EYA1: variants seen among roughly 807,000 people sequenced by gnomAD.
EYA1 encodes the protein protein phosphatase EYA1.
In EYA1, 16 loss-of-function variants were observed where a neutral mutation model predicts 82.0. The observed-to-expected ratio is 0.20, with a 90% CI of 0.13 to 0.30. The LOEUF (loss-of-function observed/expected upper bound fraction) is 0.30, where lower values mean the gene tolerates loss of function less well. Ranked by LOEUF, EYA1 falls within the 10% of genes least tolerant of loss-of-function variation. The pLI is 1.00. For synonymous variants in EYA1, 261 were observed against 264.4 expected (o/e 0.99, Z 0.12); for missense variants, 633 against 730.7 (o/e 0.87, Z 1.54).
chr8:71,405,591 G>A (rs1270405116), intron 2 of EYA1, among the ~76,000 whole-genome samples: 1 of 152,094 alleles, frequency 6.6e-6, no homozygotes. Flanking sequence ...TACACAAAAG[G>A]TACAAAATTA....
chr8:71,443,478 G>A (rs549733101), intron 2 of EYA1, among the ~76,000 whole-genome samples: 1 of 152,206 alleles, frequency 6.6e-6, no homozygotes, highest in East Asian at 1.9e-4. Flanking sequence ...ACAGGGTTTC[G>A]CTATGTTGGC....
Position 71,368,316 on chromosome 8 carries a change from A to G in EYA1, c.34-11805T>C, listed in dbSNP as rs564830804. Among the ~76,000 whole-genome samples, 130 of 152,112 alleles carry G rather than the reference A, an allele frequency of 8.5e-4. 1 individual carries two copies. The highest frequency in any genetic ancestry group is 2.8e-3 in the African/African-American group (117 of 41,496). On this transcript the variant is annotated intron_variant, in intron 2 of 18. Transcript: ENST00000643681. ...CCGTAGAGGAGCCCTCTGCTGCACGATTATCATTGACAACCCCTGCTGAAA... is the reference window on the plus strand; with the variant it reads ...CCGTAGAGGAGCCCTCTGCTGCACGGTTATCATTGACAACCCCTGCTGAAA...
chr8:71,220,369 A>G (rs1809741688), intron 12 of EYA1, among the ~76,000 whole-genome samples: 1 of 152,182 alleles, frequency 6.6e-6, no homozygotes, highest in Non-Finnish European at 1.5e-5. Context: ...AGCATATTTT[A>G]TGCGCTAATC....
intron 2 of EYA1, among the ~76,000 whole-genome samples, chr8:71,436,189 T>C (rs1646243398): frequency 6.6e-6 from 1 of 152,098 alleles, no homozygotes; most frequent in Non-Finnish European, 1.5e-5. Flanking sequence ...AAAAGTCACC[T>C]ATAAACTATA....
At chr8:71,349,713 A>G (rs1267144115) in intron 3 of EYA1, among the ~76,000 whole-genome samples, 4 of 152,240 alleles carry the variant, frequency 2.6e-5, no homozygotes, top group African/African-American at 9.6e-5. Flanking sequence ...ATGAGAAAAC[A>G]GCCACCCAGA....
At chr8:71,535,687 C>A in intron 2 of EYA1, 1 of 1,244,608 alleles carries the variant, frequency 8.0e-7, no homozygotes, top group Non-Finnish European at 1.1e-6. Flanking sequence ...ATAAAAATGC[C>A]ATGATGATTT....
At chr8:71,407,424 C>T (rs1425140666) in intron 2 of EYA1, among the ~76,000 whole-genome samples, 2 of 148,552 alleles carry the variant, frequency 1.3e-5, no homozygotes, top group African/African-American at 5.0e-5. Flanking sequence ...TCAAATTACT[C>T]TGAGCTACGG....
intron 2 of EYA1, among the ~76,000 whole-genome samples, chr8:71,375,030 A>G (rs186707243): frequency 2.7e-4 from 41 of 152,290 alleles, no homozygotes; most frequent in African/African-American, 9.6e-4. Flanking sequence ...AGTGTAGGTG[A>G]AAGCTTGTAA....
At chr8:71,201,042 G>A (rs1806934014) in intron 17 of EYA1, among the ~76,000 whole-genome samples, 1 of 145,940 alleles carries the variant, frequency 6.9e-6, no homozygotes, top group Non-Finnish European at 1.5e-5. Flanking sequence ...GAAAAGACTT[G>A]GCTGGTGACA....
At chr8:71,525,206 T>A (rs1174402406) in intron 2 of EYA1, among the ~76,000 whole-genome samples, 2 of 152,132 alleles carry the variant, frequency 1.3e-5, no homozygotes, top group Non-Finnish European at 2.9e-5. Flanking sequence ...CCACTCTCCC[T>A]CCTCTACCCT....
At chr8:71,297,175 G>C (rs1354027881) in intron 9 of EYA1, among the ~76,000 whole-genome samples, 1 of 152,008 alleles carries the variant, frequency 6.6e-6, no homozygotes, top group African/African-American at 2.4e-5. Context: ...TACAATACAA[G>C]CTAAAATACA....
At chr8:71,353,905 A>C (rs992514987) in intron 3 of EYA1, among the ~76,000 whole-genome samples, 108 of 152,200 alleles carry the variant, frequency 7.1e-4, no homozygotes, top group African/African-American at 2.6e-3. Context: ...AAGGCTTAGT[A>C]ACGAATAAAT....
chr8:71,477,971 C>G (rs1809802599), intron 2 of EYA1, among the ~76,000 whole-genome samples: 1 of 151,988 alleles, frequency 6.6e-6, no homozygotes, highest in Non-Finnish European at 1.5e-5. Flanking sequence ...GTCAAAGAAG[C>G]CAGACACAAA....
At chr8:71,471,221 A>G (rs903845194) in intron 2 of EYA1, among the ~76,000 whole-genome samples, 17 of 152,070 alleles carry the variant, frequency 1.1e-4, no homozygotes, top group African/African-American at 4.1e-4. Flanking sequence ...CAGATCATCT[A>G]GATAATATGA....
chr8:71,199,478 CT>C, intron 17 of EYA1, 58 bp from the exon 18 acceptor site: 3 of 1,280,114 alleles, frequency 2.3e-6, no homozygotes, highest in Non-Finnish European at 2.2e-6. Context: ...GCCCTGCCAG[CT>C]TTTTTGGAAA....
intron 2 of EYA1, among the ~76,000 whole-genome samples, chr8:71,484,325 A>G (rs138202692): frequency 1.4e-3 from 209 of 152,352 alleles, no homozygotes; most frequent in African/African-American, 4.7e-3. Context: ...TGAAATGTGT[A>G]CCATTACAGA....
At chr8:71,473,951 AG>A (rs1261746582) in intron 2 of EYA1, among the ~76,000 whole-genome samples, 2 of 152,182 alleles carry the variant, frequency 1.3e-5, no homozygotes, top group Non-Finnish European at 2.9e-5. Flanking sequence ...AAACAGGAAC[AG>A]AAAACAAAAC....
rs1057234407 is a variant in EYA1 at position 71,210,204 on chromosome 8, C to T, written c.1698+952G>A. ...CAAGAATCCAAGCTATTTATCACTA[C>T]AGCTCCTTCAGTTAAAATATAAGGG... On this transcript the variant is annotated intron_variant, in intron 17 of 17. Transcript: ENST00000340726. Among the ~76,000 whole-genome samples the T allele has an allele frequency of 3.3e-5, 5 of 152,188 alleles. No individual in the cohort carries two copies. The East Asian group carries it at 9.6e-4, about 29-fold the overall frequency.
At position 71,310,399 on chromosome 8, in the gene EYA1, CCT is replaced by C. The variant is rs550335987; in HGVS notation, c.556+7151_556+7152del. Among the ~76,000 whole-genome samples the C allele has an allele frequency of 5.9e-5, 9 of 152,268 alleles. No individual in the cohort carries two copies. The South Asian group carries it at 1.9e-3, about 32-fold the overall frequency. On this transcript the variant is annotated intron_variant, in intron 7 of 17. Coordinates refer to ENST00000340726, the MANE Select transcript of EYA1 (RefSeq NM_000503.6). The stretch of plus-strand genomic sequence containing the variant: ...GTACACATTAGTTATTTTTCCTGAT[CCT>C]CTCTGTCTTCCCACCCTTCGTTCTC...
Sources: allele counts gnomAD v4.1 joint callset (sites outside exome capture counted in the v4.1 genomes callset), GRCh38; gene constraint gnomAD v4.1.1; transcripts MANE v1.5; gene names NCBI Gene and HGNC (gene_info 2026-07-23, HGNC 2026-07-21).